INPP5F: variants seen among roughly 807,000 people sequenced by gnomAD.
The protein encoded by INPP5F is phosphatidylinositide 4-phosphatase SAC2.
A neutral mutation model predicts 137.2 loss-of-function variants in INPP5F; 97 were observed. That is an observed-to-expected ratio of 0.71 (90% CI 0.60 to 0.84). INPP5F has a LOEUF of 0.84. Among genes scored for constraint, INPP5F ranks in the 40% least tolerant of loss-of-function variants. The pLI is 0.00. For missense variants in INPP5F, 1,271 were observed against 1,371.9 expected, an observed-to-expected ratio of 0.93 and a Z score of 1.16; for synonymous variants, 504 against 476.9, an observed-to-expected ratio of 1.06 and a Z score of -0.74.
intron 2 of INPP5F, among the ~76,000 whole-genome samples, chr10:119,777,322 A>G (rs544950823): frequency 6.6e-6 from 1 of 152,246 alleles, no homozygotes; most frequent in African/African-American, 2.4e-5. Context: ...AGCCTGGCCA[A>G]TATGGTGAAA....
chr10:119,819,306 T>TG (rs2134286864), intron 15 of INPP5F: 1 of 392,294 alleles, frequency 2.5e-6, no homozygotes, highest in Non-Finnish European at 3.3e-6. Flanking sequence ...TCAGTAAAAT[T>TG]GGGGGTGGGG....
chr10:119,765,301 A>G (rs1189601155), intron 2 of INPP5F, among the ~76,000 whole-genome samples: 1 of 152,172 alleles, frequency 6.6e-6, no homozygotes, highest in Non-Finnish European at 1.5e-5. Flanking sequence ...TCAACTATTT[A>G]TGTTATTAAG....
chr10:119,812,121 G>A (rs1166840055), intron 15 of INPP5F, among the ~76,000 whole-genome samples, 166 bp downstream of exon 15: 1 of 152,178 alleles, frequency 6.6e-6, no homozygotes, highest in Non-Finnish European at 1.5e-5. Flanking sequence ...CACTTGCCTT[G>A]GATGCAAAAT....
intron 1 of INPP5F, among the ~76,000 whole-genome samples, chr10:119,743,442 G>A (rs929298592): frequency 6.6e-6 from 1 of 152,178 alleles, no homozygotes; most frequent in African/African-American, 2.4e-5. Context: ...GTAAGATGCC[G>A]TGATGGGAAT....
chr10:119,826,931 C>T lies in INPP5F; in HGVS notation c.2550C>T (p.Asp850=), dbSNP rs752038927. 11 of 1,613,690 alleles carry T rather than the reference C, an allele frequency of 6.8e-6. No individual in the cohort carries two copies. Among genetic ancestry groups the T allele is most frequent in the East Asian group, 2.2e-5 (1 of 44,898 alleles). ...AGGTTCAGGCAGAGTCTGATGGGGACATGTCTTCAGATAATGACTCATACC... is the reference window on the plus strand; with the variant it reads ...AGGTTCAGGCAGAGTCTGATGGGGATATGTCTTCAGATAATGACTCATACC... ...MDKVQAESDG[D]MSSDNDSYHS... The change falls in exon 20 of 20, where the codon GAC becomes GAT. Residue 850 remains aspartate (D), a synonymous_variant. Transcript: ENST00000650623.
chr10:119,730,748 C>T (rs577508189), intron 1 of INPP5F, among the ~76,000 whole-genome samples: 3 of 151,770 alleles, frequency 2.0e-5, no homozygotes, highest in African/African-American at 4.8e-5. Flanking sequence ...AACATAGAAA[C>T]TGTATATGGA....
chr10:119,765,043 C>T (rs1246938229), intron 2 of INPP5F, among the ~76,000 whole-genome samples: 7 of 152,078 alleles, frequency 4.6e-5, no homozygotes, highest in Admixed American at 4.6e-4. Context: ...AGCGATTCTC[C>T]TGCCTCAACC....
At chr10:119,747,702 G>T in intron 1 of INPP5F, among the ~76,000 whole-genome samples, 1 of 151,960 alleles carries the variant, frequency 6.6e-6, no homozygotes, top group East Asian at 1.9e-4. Flanking sequence ...AATTAGAGAG[G>T]CAAATATTTG....
chr10:119,746,783 AT>A (rs35906079), intron 1 of INPP5F, among the ~76,000 whole-genome samples: 405 of 142,642 alleles, frequency 2.8e-3, no homozygotes, highest in Admixed American at 3.1e-3. Context: ...AAGCAGCCAA[AT>A]TTTTTTTTTT....
intron 6 of INPP5F, among the ~76,000 whole-genome samples, chr10:119,792,580 T>C (rs1850186193): frequency 6.6e-6 from 1 of 151,804 alleles, no homozygotes; most frequent in African/African-American, 2.4e-5. Context: ...TTTTTTTTTT[T>C]TTTTTTTTTA....
chr10:119,769,080 C>T (rs536241089), intron 2 of INPP5F, among the ~76,000 whole-genome samples: 5 of 152,184 alleles, frequency 3.3e-5, no homozygotes, highest in East Asian at 3.9e-4. Context: ...TCAGTTTTAT[C>T]TGTAATGTTT....
chr10:119,736,785 C>T (rs1167871817), intron 1 of INPP5F, among the ~76,000 whole-genome samples: 2 of 152,112 alleles, frequency 1.3e-5, no homozygotes, highest in African/African-American at 4.8e-5. Context: ...ACTTTGTGGC[C>T]GTCTTGCTGT....
chr10:119,729,570 CTCATTATCT>C (rs2134096058), intron 1 of INPP5F, among the ~76,000 whole-genome samples: 1 of 137,456 alleles, frequency 7.3e-6, no homozygotes, highest in African/African-American at 2.7e-5. Context: ...GTAGCATTAT[CTCATTATCT>C]TTTTTTTTTT....
chr10:119,781,794 A>G (rs534943820), intron 3 of INPP5F, 23 bp downstream of exon 3: 2 of 1,565,180 alleles, frequency 1.3e-6, no homozygotes, highest in Non-Finnish European at 1.7e-6. Context: ...AAGGGAAATT[A>G]TATGGAAACC....
At chr10:119,745,741 G>C (rs1405546351) in intron 1 of INPP5F, among the ~76,000 whole-genome samples, 2 of 115,772 alleles carry the variant, frequency 1.7e-5, no homozygotes, top group African/African-American at 6.8e-5. Flanking sequence ...GCCTCACTCT[G>C]TTAGCCAGGC....
intron 18 of INPP5F, among the ~76,000 whole-genome samples, 166 bp from the exon 19 acceptor site, chr10:119,823,649 G>A (rs1292964237): frequency 6.6e-6 from 1 of 152,228 alleles, no homozygotes; most frequent in Non-Finnish European, 1.5e-5. Flanking sequence ...TGTGAATTAA[G>A]TGGGGGAGAC....
rs534289715 is a variant in INPP5F at position 119,777,088 on chromosome 10, G to T, written c.179-4547G>T. ...TAAAAACAATTTTTAAAGGGCTGGTGCCTTGCTGTGTTGCCAGGCTGTTTT... is the reference window on the plus strand; with the variant it reads ...TAAAAACAATTTTTAAAGGGCTGGTTCCTTGCTGTGTTGCCAGGCTGTTTT... On this transcript the variant is annotated intron_variant, in intron 2 of 19. Transcript: ENST00000650623. Among the ~76,000 whole-genome samples the T allele has an allele frequency of 7.1e-4, 108 of 152,156 alleles. 1 individual carries two copies. The highest frequency in any genetic ancestry group is 2.4e-3 in the African/African-American group (98 of 41,482).
chr10:119,742,525 G>T (rs929713045), intron 1 of INPP5F, among the ~76,000 whole-genome samples: 2 of 152,158 alleles, frequency 1.3e-5, no homozygotes, highest in Non-Finnish European at 2.9e-5. Context: ...AGCAGTAGGG[G>T]TCAAGAGAAG....
intron 2 of INPP5F, among the ~76,000 whole-genome samples, chr10:119,772,844 G>A (rs547800399): frequency 5.9e-5 from 9 of 151,760 alleles, no homozygotes; most frequent in South Asian, 4.2e-4. Context: ...CCCGGGTCCC[G>A]GTTCAAGCAA....
Sources: allele counts gnomAD v4.1 joint callset (sites outside exome capture counted in the v4.1 genomes callset), GRCh38; gene constraint gnomAD v4.1.1; transcripts MANE v1.5; gene names NCBI Gene and HGNC (gene_info 2026-07-23, HGNC 2026-07-21).